Variants in LIFR observed in about 807,000 individuals in gnomAD.
LIFR encodes the protein leukemia inhibitory factor receptor.
Under a neutral mutation model 122.2 loss-of-function variants are expected in LIFR, and 84 were observed. The ratio of observed to expected loss-of-function variants is 0.69; its 90% CI spans 0.58 to 0.82. LIFR has a LOEUF of 0.82. Among genes scored for constraint, LIFR ranks in the 40% least tolerant of loss-of-function variants. The pLI, the probability that LIFR is intolerant of heterozygous loss-of-function variation, is 0.00. For synonymous variants in LIFR, 422 were observed against 434.7 expected, an observed-to-expected ratio of 0.97 and a Z score of 0.36; for missense variants, 1,294 against 1,311.6, an observed-to-expected ratio of 0.99 and a Z score of 0.21.
Position 38,532,239 on chromosome 5 carries a change from G to A in LIFR, c.-19-1573C>T, listed in dbSNP as rs73079403. ...GCCATGCCAGGAAGAAGTGCAAGAA[G>A]GGGCGGAGGGAGGCAGCTGAGAAAG... On this transcript the variant is annotated intron_variant, in intron 1 of 19. Coordinates refer to ENST00000453190, the MANE Select transcript of LIFR (RefSeq NM_001127671.2). Among the ~76,000 whole-genome samples, 921 of 152,344 alleles carry A rather than the reference G, an allele frequency of 6.0e-3. 11 individuals carry two copies. Among genetic ancestry groups the A allele is most frequent in the African/African-American group, 0.021 (856 of 41,582 alleles).
At chr5:38,492,080 T>C (rs1036381550) in intron 14 of LIFR, among the ~76,000 whole-genome samples, 4 of 152,200 alleles carry the variant, frequency 2.6e-5, no homozygotes, top group African/African-American at 9.6e-5. Context: ...GCCTACTATG[T>C]GCCACTTGCT....
In LIFR at chr5:38,507,400, C is replaced by G. The variant is rs191011374; in HGVS notation, c.992-768G>C. The stretch of plus-strand genomic sequence containing the variant: ...CCAACATGGTGAAACCCCGTCTCCA[C>G]TAAAAATACAAAAATTAGCCGGGTG... On this transcript the variant is annotated intron_variant, in intron 7 of 19. Coordinates refer to ENST00000453190, the MANE Select transcript of LIFR (RefSeq NM_001127671.2). Among the ~76,000 whole-genome samples, 52 of 151,756 alleles carry G rather than the reference C, an allele frequency of 3.4e-4. 1 individual carries two copies. The highest frequency in any genetic ancestry group is 1.2e-3 in the African/African-American group (50 of 41,406).
rs572954936 is a variant in LIFR at position 38,517,856 on chromosome 5, C to CAAAAAAA, written c.561+5556_561+5562dup. On this transcript the variant is annotated intron_variant, in intron 5 of 19. Transcript: ENST00000453190. ...TGTGCAACAGAGCAAGACACTGTCTCAAAAAAAAAAAAAAAAAAAAAAAAA... is the reference window on the plus strand; with the variant it reads ...TGTGCAACAGAGCAAGACACTGTCTCAAAAAAAAAAAAAAAAAAAAAAAAAAAAAAAA... 3.4e-3 allele frequency among the ~76,000 whole-genome samples: 51 copies of CAAAAAAA among 15,044 alleles called. 7 individuals are homozygous for CAAAAAAA. The highest frequency in any genetic ancestry group is 0.017 in the African/African-American group (39 of 2,252). 9.9% of individuals were successfully genotyped at this position (15,044 alleles called of 152,430 possible). A position where few individuals can be genotyped will look rare whatever the true frequency, so the allele number is the denominator to read the frequency against.
intron 17 of LIFR, chr5:38,485,456 T>TGC (rs1289461175): frequency 2.6e-5 from 8 of 312,096 alleles, no homozygotes; most frequent in African/African-American, 1.8e-4. Context: ...CAAAAAATTT[T>TGC]TTTAAGAATA....
chr5:38,552,995 C>A (rs971240856), intron 1 of LIFR, among the ~76,000 whole-genome samples: 3 of 152,194 alleles, frequency 2.0e-5, no homozygotes, highest in African/African-American at 7.2e-5. Context: ...AGGAACTCCA[C>A]CACTCACATC....
At chr5:38,493,468 C>A in intron 14 of LIFR, 138 bp downstream of exon 14, 1 of 770,456 alleles carries the variant, frequency 1.3e-6, no homozygotes, top group East Asian at 2.6e-5. Flanking sequence ...TGTGCTGCCA[C>A]AACTACCCTC....
rs1040718497 is a variant in LIFR, at chr5:38,490,309, C to A, written c.2066-18G>T. ...AAACTCATCTATAGGATGAACATAT[C>A]AGCAAACTTTCATAAATATATTACT... On this transcript the variant is annotated intron_variant, in intron 14 of 19. Transcript: ENST00000453190. The A allele has an allele frequency of 1.8e-6, 2 of 1,111,884 alleles. No individual in the cohort carries two copies. Among genetic ancestry groups the A allele is most frequent in the African/African-American group, 1.5e-5 (1 of 65,034 alleles). The allele number at this position is 1,111,884 out of a possible 1,614,324, so 68.9% of individuals were successfully genotyped here. A position where few individuals can be genotyped will look rare whatever the true frequency, so the allele number is the denominator to read the frequency against.
intron 4 of LIFR, among the ~76,000 whole-genome samples, chr5:38,524,721 C>G (rs1252694650): frequency 6.6e-6 from 1 of 152,064 alleles, no homozygotes; most frequent in Non-Finnish European, 1.5e-5. Context: ...TTAAAAGGAA[C>G]TGATTGAGTG....
intron 1 of LIFR, among the ~76,000 whole-genome samples, chr5:38,561,777 T>C (rs1748846909): frequency 6.6e-6 from 1 of 152,204 alleles, no homozygotes; most frequent in African/African-American, 2.4e-5. Context: ...GCTTAGAGAA[T>C]TATGAGGAGT....
rs182922893 is a variant in LIFR, at chr5:38,511,900, A to G, written c.626T>C (p.Met209Thr). 115 of 1,614,138 alleles carry G rather than the reference A, an allele frequency of 7.1e-5. 2 individuals are homozygous for G. Among genetic ancestry groups the G allele is most frequent in the Middle Eastern group, 4.9e-4 (3 of 6,062 alleles). Residue 209 changes from methionine (M) to threonine (T), a missense_variant, in exon 6 of 20, where the codon ATG (methionine) becomes ACG (threonine). Met to Thr is a moderately conservative substitution (Grantham distance 81). Transcript: ENST00000453190. Reference protein sequence around the residue: ...TLHHWSWASDMPLECAIHFVE... With the variant: ...TLHHWSWASDTPLECAIHFVE... The stretch of plus-strand genomic sequence containing the variant: ...AAAATGAATGGCACATTCCAAGGGC[A>G]TATCTGAGGCCCAACTCCAGTGATG...
chr5:38,578,209 T>TTTC (rs1554030865), intron 1 of LIFR, among the ~76,000 whole-genome samples: 29 of 116,690 alleles, frequency 2.5e-4, no homozygotes, highest in South Asian at 2.3e-4. Flanking sequence ...TTCTTTTTCT[T>TTTC]TTTTTTTTTT....
At chr5:38,503,368 G>T (rs1745287113) in intron 10 of LIFR, among the ~76,000 whole-genome samples, 1 of 152,034 alleles carries the variant, frequency 6.6e-6, no homozygotes, top group African/African-American at 2.4e-5. Flanking sequence ...AAACAAATTT[G>T]AATATCTGCC....
chr5:38,593,833 A>C (rs764080035), intron 1 of LIFR, among the ~76,000 whole-genome samples: 4 of 152,192 alleles, frequency 2.6e-5, no homozygotes, highest in African/African-American at 9.7e-5. Context: ...CGGTCCTCTA[A>C]GAACGAGGAA....
At chr5:38,497,419 T>G (rs1416533261) in intron 12 of LIFR, among the ~76,000 whole-genome samples, 1 of 152,190 alleles carries the variant, frequency 6.6e-6, no homozygotes, top group East Asian at 1.9e-4. Flanking sequence ...ACACAAAAAT[T>G]TAAAAATTAA....
At position 38,510,717 on chromosome 5, in the gene LIFR, C is replaced by A; in HGVS notation, c.738G>T (p.Trp246Cys). 2.5e-6 allele frequency: 4 copies of A among 1,607,300 alleles called. No homozygotes were observed. The highest frequency in any genetic ancestry group is 3.4e-6 in the Non-Finnish European group (4 of 1,174,576). Residue 246 changes from tryptophan (W) to cysteine (C), a missense_variant and splice_region_variant, in exon 7 of 20, where the codon TGG (tryptophan) becomes TGT (cysteine). Physicochemically the swap from Trp to Cys is radical, Grantham distance 215 (BLOSUM62 -2). Transcript: ENST00000453190. ...SDWSPVKNIS[W>C]IPDSQTKVFP... ...AAACCTTAGTCTGAGAATCAGGTAT[C>A]CCTAGAAAGAAAAAGAGGAATTATA...
At chr5:38,532,244 G>A (rs542029375) in intron 1 of LIFR, among the ~76,000 whole-genome samples, 5 of 152,316 alleles carry the variant, frequency 3.3e-5, no homozygotes, top group South Asian at 2.1e-4. Flanking sequence ...AAGAAGGGGC[G>A]GAGGGAGGCA....
intron 1 of LIFR, among the ~76,000 whole-genome samples, chr5:38,534,487 T>G (rs900328410): frequency 1.3e-5 from 2 of 152,206 alleles, no homozygotes; most frequent in Admixed American, 6.5e-5. Flanking sequence ...GGAGATTAAC[T>G]AGGACATAGC....
chr5:38,572,710 G>A (rs1055999175), intron 1 of LIFR, among the ~76,000 whole-genome samples: 3 of 152,152 alleles, frequency 2.0e-5, no homozygotes, highest in African/African-American at 7.2e-5. Context: ...GGATTGAAAT[G>A]AATTTGCCAT....
chr5:38,606,671 A>T (rs1249891081), intron 1 of LIFR, among the ~76,000 whole-genome samples: 1 of 152,272 alleles, frequency 6.6e-6, no homozygotes, highest in East Asian at 1.9e-4. Flanking sequence ...TTTATTGAGT[A>T]AACAGGCTCA....
Sources: allele counts gnomAD v4.1 joint callset (sites outside exome capture counted in the v4.1 genomes callset), GRCh38; gene constraint gnomAD v4.1.1; transcripts MANE v1.5; gene names NCBI Gene and HGNC (gene_info 2026-07-23, HGNC 2026-07-21).